The following DCLK1 variants were observed in gnomAD, a reference collection of about 807,000 sequenced individuals.
DCLK1 encodes the protein serine/threonine-protein kinase DCLK1.
DCLK1 carries 16 observed loss-of-function variants against 86.2 expected under a neutral mutation model. That is an observed-to-expected ratio of 0.19 (90% CI 0.13 to 0.28). The LOEUF is 0.28. Ranked by LOEUF, DCLK1 falls within the 10% of genes least tolerant of loss-of-function variation. The pLI is 1.00. For missense variants in DCLK1, 590 were observed against 940.2 expected (o/e 0.63, Z 4.87); for synonymous variants, 369 against 370.5 (o/e 1.00, Z 0.05).
chr13:35,782,753 C>A (rs1011954918), intron 16 of DCLK1, among the ~76,000 whole-genome samples: 1 of 152,222 alleles, frequency 6.6e-6, no homozygotes, highest in South Asian at 2.1e-4. Flanking sequence ...TAGTTTTTAA[C>A]AAGCCCTAAT....
chr13:35,957,213 T>C (rs966378060), intron 3 of DCLK1, among the ~76,000 whole-genome samples: 2 of 152,002 alleles, frequency 1.3e-5, no homozygotes, highest in African/African-American at 4.8e-5. Flanking sequence ...AATCTTGGCA[T>C]GCAGATAAAG....
chr13:36,114,212 A>G (rs1315195490), intron 2 of DCLK1, among the ~76,000 whole-genome samples: 14 of 152,360 alleles, frequency 9.2e-5, no homozygotes, highest in Non-Finnish European at 1.5e-5. Context: ...CTTTTTAAAA[A>G]TATCTTCTTA....
intron 5 of DCLK1, among the ~76,000 whole-genome samples, chr13:35,866,015 G>A (rs1871762118): frequency 6.6e-6 from 1 of 152,140 alleles, no homozygotes. Context: ...GTAAGTGGAG[G>A]TGAAGAAATA....
intron 3 of DCLK1, among the ~76,000 whole-genome samples, chr13:36,003,395 T>C (rs1457663943): frequency 6.6e-6 from 1 of 152,232 alleles, no homozygotes; most frequent in African/African-American, 2.4e-5. Flanking sequence ...TATACACTAC[T>C]GGAGAAATAT....
chr13:35,863,677 T>C (rs778382417), intron 5 of DCLK1, among the ~76,000 whole-genome samples: 3 of 152,188 alleles, frequency 2.0e-5, no homozygotes, highest in Non-Finnish European at 4.4e-5. Flanking sequence ...AGATTCTCCA[T>C]AGACTGTATA....
At chr13:35,971,665 A>G (rs1230450969) in intron 3 of DCLK1, among the ~76,000 whole-genome samples, 2 of 152,234 alleles carry the variant, frequency 1.3e-5, no homozygotes, top group East Asian at 3.9e-4. Flanking sequence ...TGGGAGACTG[A>G]AGCAGAAGAA....
chr13:35,815,260 T>G (rs1418731859), intron 11 of DCLK1, among the ~76,000 whole-genome samples: 1 of 152,160 alleles, frequency 6.6e-6, no homozygotes, highest in Non-Finnish European at 1.5e-5. Context: ...GAAAAATTAT[T>G]TGAAAAAATA....
intron 11 of DCLK1, among the ~76,000 whole-genome samples, chr13:35,817,294 A>G (rs1203526867): frequency 6.6e-6 from 1 of 152,146 alleles, no homozygotes; most frequent in Non-Finnish European, 1.5e-5. Flanking sequence ...TAACTGGCCA[A>G]TTACGGTACT....
rs781392474 is a variant in DCLK1 at position 35,798,919 on chromosome 13, T to C, written c.1945-5440A>G. ...CTATTTTTTCTTCTTTCCCTTGTTC[T>C]TTTTTTCTTTTTGGATATCTGGACT... On this transcript the variant is annotated intron_variant, in intron 15 of 16. Coordinates refer to ENST00000360631, the MANE Select transcript of DCLK1 (RefSeq NM_001330071.2). Among the ~76,000 whole-genome samples, 58 of 152,270 alleles carry C rather than the reference T, an allele frequency of 3.8e-4. 1 individual carries two copies. Among genetic ancestry groups the C allele is most frequent in the Admixed American group, 1.6e-3 (25 of 15,302 alleles).
At chr13:35,976,532 T>G (rs909440133) in intron 3 of DCLK1, among the ~76,000 whole-genome samples, 1 of 115,472 alleles carries the variant, frequency 8.7e-6, no homozygotes, top group African/African-American at 2.9e-5. Flanking sequence ...GAGGTTTTTT[T>G]TTTTTTTTTT....
At chr13:35,796,101 ATCATGTC>A (rs1343340076) in intron 15 of DCLK1, among the ~76,000 whole-genome samples, 3 of 152,138 alleles carry the variant, frequency 2.0e-5, no homozygotes, top group Non-Finnish European at 4.4e-5. Context: ...GAATATTAGT[ATCATGTC>A]TTGGCAGAGT....
chr13:35,834,414 G>A (rs1056066430), intron 8 of DCLK1, among the ~76,000 whole-genome samples: 2 of 152,110 alleles, frequency 1.3e-5, no homozygotes, highest in African/African-American at 4.8e-5. Context: ...TTAAAAGTGT[G>A]GTTTTTGGAG....
At chr13:36,086,935 G>A (rs1241439144) in intron 3 of DCLK1, among the ~76,000 whole-genome samples, 1 of 152,142 alleles carries the variant, frequency 6.6e-6, no homozygotes, top group Non-Finnish European at 1.5e-5. Context: ...AAACATACGT[G>A]TGCATGCATC....
intron 3 of DCLK1, among the ~76,000 whole-genome samples, chr13:35,990,575 G>T (rs948246096): frequency 6.6e-6 from 1 of 152,066 alleles, no homozygotes; most frequent in African/African-American, 2.4e-5. Flanking sequence ...GGCTGTTGGT[G>T]TAATAAACAC....
chr13:35,921,526 T>C (rs899257068), intron 4 of DCLK1, among the ~76,000 whole-genome samples: 6 of 152,214 alleles, frequency 3.9e-5, no homozygotes, highest in African/African-American at 1.4e-4. Flanking sequence ...CAGCCCCTTG[T>C]ATGTCCTTTT....
At chr13:35,801,505 A>AT (rs11455091) in intron 15 of DCLK1, among the ~76,000 whole-genome samples, 92,657 of 149,904 alleles carry the variant, frequency 0.62, 30,733 homozygotes, top group African/African-American at 0.87. Context: ...CAGAAAGGGT[A>AT]TTTTTTTTTT....
intron 1 of DCLK1, among the ~76,000 whole-genome samples, chr13:36,126,776 C>T (rs1886203238): frequency 6.6e-6 from 1 of 152,180 alleles, no homozygotes; most frequent in Non-Finnish European, 1.5e-5. Context: ...TTAGAAGCAG[C>T]TCCTAGGTTG....
chr13:35,953,572 C>T lies in DCLK1; in HGVS notation c.724-6115G>A, dbSNP rs551997416. Among the ~76,000 whole-genome samples, 29 of 152,264 alleles carry T rather than the reference C, an allele frequency of 1.9e-4. 1 individual carries two copies. The highest frequency in any genetic ancestry group is 6.7e-4 in the African/African-American group (28 of 41,548). On this transcript the variant is annotated intron_variant, in intron 3 of 16. Coordinates refer to ENST00000360631, the MANE Select transcript of DCLK1 (RefSeq NM_001330071.2). ...CCATTAACTTGTCATTACGCACAGT[C>T]GTCCCAAGAGACTAAGCTGCTTACG...
chr13:35,865,573 G>A (rs1008218019), intron 5 of DCLK1, among the ~76,000 whole-genome samples: 5 of 152,164 alleles, frequency 3.3e-5, no homozygotes, highest in African/African-American at 1.2e-4. Context: ...CAACAGGTAT[G>A]TGAATCATGT....
Sources: gnomAD v4.1 joint callset for allele counts (sites outside exome capture counted in the v4.1 genomes callset) on GRCh38, gnomAD v4.1.1 for gene constraint, MANE v1.5 for transcripts, NCBI Gene and HGNC (gene_info 2026-07-23, HGNC 2026-07-21) for gene names.